The following TRPC4 variants were observed in gnomAD, a reference collection of about 807,000 sequenced individuals.
TRPC4 encodes short transient receptor potential channel 4.
Under a neutral mutation model 99.4 loss-of-function variants are expected in TRPC4, and 49 were observed. The ratio of observed to expected loss-of-function variants is 0.49; its 90% CI spans 0.39 to 0.63. The LOEUF (loss-of-function observed/expected upper bound fraction) is 0.63. TRPC4 is among the 20% of genes least tolerant of loss of function. The pLI is 0.00. For synonymous variants in TRPC4, 454 were observed against 425.9 expected (o/e 1.07, Z -0.81); for missense variants, 898 against 1,152.9 (o/e 0.78, Z 3.20).
chr13:37,839,345 A>T (rs1958665274), intron 1 of TRPC4, among the ~76,000 whole-genome samples: 1 of 152,176 alleles, frequency 6.6e-6, no homozygotes, highest in South Asian at 2.1e-4. Context: ...CTCTAATTAC[A>T]TCTCTTTCTT....
At chr13:37,781,545 C>T (rs568930761) in intron 2 of TRPC4, among the ~76,000 whole-genome samples, 1 of 152,040 alleles carries the variant, frequency 6.6e-6, no homozygotes, top group Non-Finnish European at 1.5e-5. Flanking sequence ...TGAAATGTGT[C>T]TTTGGATATT....
intron 6 of TRPC4, among the ~76,000 whole-genome samples, chr13:37,663,133 A>T (rs531982420): frequency 6.6e-6 from 1 of 152,278 alleles, no homozygotes; most frequent in East Asian, 1.9e-4. Flanking sequence ...TACCTTTTTA[A>T]ATTCTACATC....
chr13:37,689,384 G>A lies in TRPC4; in HGVS notation c.1234+2615C>T, dbSNP rs147074847. ...AGCAAGGCACTGAGAACTCAGTCTC[G>A]GATATGAGGCACTCACAATTCACCA... On this transcript the variant is annotated intron_variant, in intron 4 of 10. Transcript: ENST00000379705. Among the ~76,000 whole-genome samples, 26 of 152,196 alleles carry A rather than the reference G, an allele frequency of 1.7e-4. No homozygotes were observed. The East Asian group carries it at 4.1e-3, about 24-fold the overall frequency.
At chr13:37,644,888 A>AAG (rs1555249103) in intron 8 of TRPC4, among the ~76,000 whole-genome samples, 53 of 150,934 alleles carry the variant, frequency 3.5e-4, no homozygotes, top group Middle Eastern at 3.4e-3. Flanking sequence ...AAAAAAAAAA[A>AAG]AAAAGAAAGA....
intron 1 of TRPC4, among the ~76,000 whole-genome samples, chr13:37,815,021 C>T (rs917660603): frequency 6.6e-6 from 1 of 151,420 alleles, no homozygotes; most frequent in East Asian, 1.9e-4. Context: ...GAAAATAAAC[C>T]CTTATGCTTA....
At chr13:37,656,990 G>T (rs562885229) in intron 6 of TRPC4, among the ~76,000 whole-genome samples, 2 of 152,258 alleles carry the variant, frequency 1.3e-5, no homozygotes, top group African/African-American at 4.8e-5. Context: ...ATAACTAAAT[G>T]CCTGTTACTT....
chr13:37,749,064 G>C (rs549918595), intron 2 of TRPC4, among the ~76,000 whole-genome samples: 1 of 152,214 alleles, frequency 6.6e-6, no homozygotes, highest in South Asian at 2.1e-4. Context: ...TCTTGTAATA[G>C]AGAGTTCTCA....
intron 1 of TRPC4, among the ~76,000 whole-genome samples, chr13:37,807,597 T>G (rs1016379158): frequency 2.0e-5 from 3 of 152,008 alleles, no homozygotes; most frequent in African/African-American, 7.2e-5. Flanking sequence ...TTCCTGTTCC[T>G]CTGTCACCTC....
chr13:37,656,413 A>C (rs990336410), intron 6 of TRPC4, among the ~76,000 whole-genome samples: 1 of 152,156 alleles, frequency 6.6e-6, no homozygotes, highest in Admixed American at 6.6e-5. Flanking sequence ...TTGCAGAACC[A>C]AGTCAATTAT....
At chr13:37,743,362 T>C (rs996601250) in intron 3 of TRPC4, among the ~76,000 whole-genome samples, 2 of 152,188 alleles carry the variant, frequency 1.3e-5, no homozygotes, top group African/African-American at 4.8e-5. Context: ...ATTAAATGCC[T>C]TCCATTGCTT....
At chr13:37,842,343 C>CAAAAAAA (rs57428116) in intron 1 of TRPC4, among the ~76,000 whole-genome samples, 57 of 15,558 alleles carry the variant, frequency 3.7e-3, no homozygotes, top group East Asian at 0.023. Context: ...AGCGTCTAGC[C>CAAAAAAA]AAAAAAAAAA....
At chr13:37,753,241 T>A (rs1955986932) in intron 2 of TRPC4, among the ~76,000 whole-genome samples, 1 of 152,000 alleles carries the variant, frequency 6.6e-6, no homozygotes, top group Non-Finnish European at 1.5e-5. Context: ...TTCTTTAGAG[T>A]ATAGTATAAG....
At chr13:37,745,482 A>G (rs1211716802) in intron 3 of TRPC4, among the ~76,000 whole-genome samples, 5 of 133,758 alleles carry the variant, frequency 3.7e-5, no homozygotes, top group Admixed American at 7.4e-5. Flanking sequence ...ATACACACAC[A>G]CACACACTTA....
chr13:37,671,548 T>A (rs1593478129), intron 5 of TRPC4, among the ~76,000 whole-genome samples: 1 of 149,672 alleles, frequency 6.7e-6, no homozygotes, highest in Admixed American at 6.8e-5. Context: ...AGACTCATAG[T>A]ACATGAGAAA....
At chr13:37,756,745 G>A (rs1956108383) in intron 2 of TRPC4, among the ~76,000 whole-genome samples, 1 of 151,516 alleles carries the variant, frequency 6.6e-6, no homozygotes, top group Admixed American at 6.6e-5. Flanking sequence ...ATGTTGGCCA[G>A]GCTGGTCTTG....
intron 10 of TRPC4, 81 bp downstream of exon 10, chr13:37,638,959 C>G: frequency 7.0e-7 from 1 of 1,429,982 alleles, no homozygotes; most frequent in South Asian, 1.2e-5. Flanking sequence ...AGCTGCATTT[C>G]CAGCTCTGAT....
chr13:37,822,696 G>C (rs1212268084), intron 1 of TRPC4, among the ~76,000 whole-genome samples: 1 of 152,062 alleles, frequency 6.6e-6, no homozygotes, highest in Non-Finnish European at 1.5e-5. Flanking sequence ...TTGGTTCCAA[G>C]TCTTTGCTAT....
intron 1 of TRPC4, among the ~76,000 whole-genome samples, chr13:37,814,706 C>T (rs1957795042): frequency 6.6e-6 from 1 of 151,704 alleles, no homozygotes; most frequent in Non-Finnish European, 1.5e-5. Flanking sequence ...AATGGAATGG[C>T]ATTTTGTATT....
intron 1 of TRPC4, among the ~76,000 whole-genome samples, chr13:37,835,737 C>T (rs1958547538): frequency 6.6e-6 from 1 of 152,252 alleles, no homozygotes; most frequent in Non-Finnish European, 1.5e-5. Context: ...TTTTTAGATT[C>T]AACACATAAG....
Sources: gnomAD v4.1 joint callset for allele counts (sites outside exome capture counted in the v4.1 genomes callset) on GRCh38, gnomAD v4.1.1 for gene constraint, MANE v1.5 for transcripts, NCBI Gene and HGNC (gene_info 2026-07-23, HGNC 2026-07-21) for gene names.